Variants in BNC2 observed in about 807,000 individuals in gnomAD.
BNC2 encodes basonuclin zinc finger protein 2.
Under a neutral mutation model 76.3 loss-of-function variants are expected in BNC2, and 20 were observed. That is an observed-to-expected ratio of 0.26 (90% CI 0.18 to 0.38). The LOEUF (loss-of-function observed/expected upper bound fraction) is 0.38. Among genes scored for constraint, BNC2 ranks in the 10% least tolerant of loss-of-function variants. BNC2 has a pLI of 1.00. For missense variants in BNC2, 1,382 were observed against 1,399.8 expected, an observed-to-expected ratio of 0.99 and a Z score of 0.20; for synonymous variants, 582 against 514.8, an observed-to-expected ratio of 1.13 and a Z score of -1.77.
chr9:16,701,426 T>C (rs1418242460), intron 3 of BNC2, among the ~76,000 whole-genome samples: 3 of 152,244 alleles, frequency 2.0e-5, no homozygotes, highest in East Asian at 1.9e-4. Context: ...TGAATGCTTT[T>C]GTAAGCATAA....
At chr9:16,445,215 T>C (rs1198941938) in intron 5 of BNC2, among the ~76,000 whole-genome samples, 5 of 152,246 alleles carry the variant, frequency 3.3e-5, no homozygotes, top group African/African-American at 1.2e-4. Flanking sequence ...TTATTTGTTT[T>C]AGCAGATTTA....
intron 1 of BNC2, among the ~76,000 whole-genome samples, chr9:16,798,579 G>C (rs1408541555): frequency 6.6e-6 from 1 of 152,124 alleles, no homozygotes; most frequent in Non-Finnish European, 1.5e-5. Flanking sequence ...AAGTATGGTA[G>C]TATCTTATGA....
chr9:16,769,444 C>T (rs1388065530), intron 1 of BNC2, among the ~76,000 whole-genome samples: 1 of 152,280 alleles, frequency 6.6e-6, no homozygotes, highest in South Asian at 2.1e-4. Context: ...AGTGAAAAGA[C>T]TAACAGTGTC....
At chr9:16,868,803 TG>T in intron 1 of BNC2, among the ~76,000 whole-genome samples, 1 of 152,232 alleles carries the variant, frequency 6.6e-6, no homozygotes, top group Admixed American at 6.5e-5. Context: ...ATTGTGTGTG[TG>T]TGTGTGTTTG....
At chr9:16,825,854 C>A (rs1586914681) in intron 1 of BNC2, among the ~76,000 whole-genome samples, 1 of 151,790 alleles carries the variant, frequency 6.6e-6, no homozygotes, top group South Asian at 2.1e-4. Flanking sequence ...AGTCTTTCAC[C>A]TGAGCATAAC....
intron 1 of BNC2, among the ~76,000 whole-genome samples, chr9:16,798,707 T>G (rs959528899): frequency 2.6e-5 from 4 of 152,186 alleles, no homozygotes; most frequent in African/African-American, 4.8e-5. Flanking sequence ...ACGTAGAAAT[T>G]ATAGAGGAAA....
chr9:16,845,646 G>A (rs1165019094), intron 1 of BNC2, among the ~76,000 whole-genome samples: 1 of 151,914 alleles, frequency 6.6e-6, no homozygotes, highest in Non-Finnish European at 1.5e-5. Context: ...GCGTGAACTT[G>A]AGAGGCGGAG....
rs376163759 is a variant in BNC2 at position 16,474,708 on chromosome 9, T to C, written c.670-37184A>G. On this transcript the variant is annotated intron_variant, in intron 5 of 6. Coordinates refer to ENST00000380672, the MANE Select transcript of BNC2 (RefSeq NM_017637.6). The stretch of plus-strand genomic sequence containing the variant: ...AATAGAAAAACGCAAAGTGTTTTAA[T>C]TGCACTTGAAGCTTTCGTTGAAAAA... Among the ~76,000 whole-genome samples, 220 of 152,320 alleles carry C rather than the reference T, an allele frequency of 1.4e-3. 1 individual carries two copies. Among genetic ancestry groups the C allele is most frequent in the African/African-American group, 5.1e-3 (211 of 41,562 alleles).
At chr9:16,573,897 AAAC>A (rs1185157811) in intron 4 of BNC2, among the ~76,000 whole-genome samples, 1 of 152,256 alleles carries the variant, frequency 6.6e-6, no homozygotes. Context: ...TGGGATGTAT[AAAC>A]AACATTTTAG....
chr9:16,757,248 C>T (rs542551567), intron 1 of BNC2, among the ~76,000 whole-genome samples: 3 of 152,218 alleles, frequency 2.0e-5, no homozygotes, highest in South Asian at 2.1e-4. Flanking sequence ...TGTAGATTTA[C>T]CTAATTTATT....
intron 1 of BNC2, among the ~76,000 whole-genome samples, chr9:16,863,147 T>C (rs980642430): frequency 5.3e-5 from 8 of 151,956 alleles, no homozygotes; most frequent in Non-Finnish European, 1.0e-4. Flanking sequence ...ACTCCTGACC[T>C]TGTGATCCAC....
intron 6 of BNC2, among the ~76,000 whole-genome samples, chr9:16,428,204 T>G (rs1039095450): frequency 6.6e-6 from 1 of 152,310 alleles, no homozygotes; most frequent in Admixed American, 6.5e-5. Context: ...TGGGACTGAC[T>G]GAGCCAATTG....
rs1820623543 is a variant in BNC2 at position 16,418,093 on chromosome 9, T to G, written c.*896A>C. On this transcript the variant is annotated 3_prime_UTR_variant, in exon 7 of 7. Transcript: ENST00000380672. ...AGTGAATTTTTTTTAAAAAAGACAC[T>G]TACTGAAGTATGGCAATAGTTTAAG... is the stretch of plus-strand genomic sequence containing the variant. 1 of 152,626 alleles carries G rather than the reference T, an allele frequency of 6.6e-6. No individual in the cohort carries two copies. Among genetic ancestry groups the G allele is most frequent in the Admixed American group, 6.6e-5 (1 of 15,264 alleles). 9.5% of individuals were successfully genotyped at this position (152,626 alleles called of 1,614,324 possible).
At position 16,851,606 on chromosome 9, in the gene BNC2, T is replaced by C. The variant is rs541469315; in HGVS notation, c.3+19040A>G. Reference sequence around the variant, plus strand: ...GTGTCTTGAAAATCACATGTAATTATAAAATGGTACTGTAAAACTTTTCAT... The same window carrying C: ...GTGTCTTGAAAATCACATGTAATTACAAAATGGTACTGTAAAACTTTTCAT... On this transcript the variant is annotated intron_variant, in intron 1 of 6. Coordinates refer to ENST00000380672, the MANE Select transcript of BNC2 (RefSeq NM_017637.6). 5.5e-3 allele frequency among the ~76,000 whole-genome samples: 845 copies of C among 152,336 alleles called. 3 individuals carry two copies. Among genetic ancestry groups the C allele is most frequent in the Non-Finnish European group, 9.1e-3 (622 of 68,028 alleles).
At chr9:16,860,953 G>C (rs1819391359) in intron 1 of BNC2, among the ~76,000 whole-genome samples, 2 of 151,722 alleles carry the variant, frequency 1.3e-5, no homozygotes, top group Non-Finnish European at 2.9e-5. Flanking sequence ...CGCTGAGGCA[G>C]GACAATGGCT....
chr9:16,437,875 A>G (rs1821052118), intron 5 of BNC2, among the ~76,000 whole-genome samples: 1 of 152,222 alleles, frequency 6.6e-6, no homozygotes. Context: ...ATAAGATGTG[A>G]ACTCTTGCTG....
At chr9:16,486,114 G>T (rs543235451) in intron 5 of BNC2, among the ~76,000 whole-genome samples, 1 of 152,092 alleles carries the variant, frequency 6.6e-6, no homozygotes, top group Non-Finnish European at 1.5e-5. Context: ...TTCCACCCCC[G>T]TGCTGGGAGG....
intron 1 of BNC2, among the ~76,000 whole-genome samples, chr9:16,818,824 G>A (rs1448559013): frequency 1.3e-5 from 2 of 151,852 alleles, no homozygotes; most frequent in Non-Finnish European, 2.9e-5. Context: ...ACAGTGCCTG[G>A]AATGAATTTT....
intron 3 of BNC2, among the ~76,000 whole-genome samples, chr9:16,719,145 ACT>A (rs1824074757): frequency 6.6e-6 from 1 of 152,100 alleles, no homozygotes; most frequent in Admixed American, 6.5e-5. Context: ...ACTCAGGGAC[ACT>A]CTCATGAATA....
Sources: gnomAD v4.1 joint callset for allele counts (sites outside exome capture counted in the v4.1 genomes callset) on GRCh38, gnomAD v4.1.1 for gene constraint, MANE v1.5 for transcripts, NCBI Gene and HGNC (gene_info 2026-07-23, HGNC 2026-07-21) for gene names.